Variants in ATF7IP2 observed in about 807,000 individuals in gnomAD.
The protein encoded by ATF7IP2 is activating transcription factor 7-interacting protein 2.
Under a neutral mutation model 64.2 loss-of-function variants are expected in ATF7IP2, and 42 were observed. That is an observed-to-expected ratio of 0.65 (90% CI 0.51 to 0.85). The LOEUF is 0.85. Among genes scored for constraint, ATF7IP2 ranks in the 40% least tolerant of loss-of-function variants. The pLI is 0.00. For synonymous variants in ATF7IP2, 308 were observed against 272.8 expected (o/e 1.13, Z -1.27); for missense variants, 933 against 784.2 (o/e 1.19, Z -2.27).
At chr16:10,401,765 T>A (rs1267501508) in intron 1 of ATF7IP2, among the ~76,000 whole-genome samples, 1 of 151,664 alleles carries the variant, frequency 6.6e-6, no homozygotes, top group African/African-American at 2.4e-5. Flanking sequence ...GTCTTTTTTT[T>A]TTTTTTAATT....
rs2049207489 is a variant in ATF7IP2 at position 10,457,369 on chromosome 16, T to A, written c.1195-3T>A. 6.3e-7 allele frequency: 1 copy of A among 1,598,942 alleles called. No homozygotes were observed. The highest frequency in any genetic ancestry group is 8.5e-7 in the Non-Finnish European group (1 of 1,175,814). Reference sequence around the variant, plus strand: ...AACTGCTTTTTTCTCACCTATTTAATAGGTTGCAAATTCAGAGGCTATGAT... The same window carrying A: ...AACTGCTTTTTTCTCACCTATTTAAAAGGTTGCAAATTCAGAGGCTATGAT... On this transcript the variant is annotated splice_polypyrimidine_tract_variant and splice_region_variant and intron_variant, in intron 8 of 13. Coordinates refer to ENST00000562102, the MANE Select transcript of ATF7IP2 (RefSeq NM_001393719.1).
chr16:10,410,572 A>G (rs1161456189), intron 1 of ATF7IP2, among the ~76,000 whole-genome samples: 1 of 152,158 alleles, frequency 6.6e-6, no homozygotes, highest in African/African-American at 2.4e-5. Context: ...CATCATCAGC[A>G]CACAGTGACA....
chr16:10,472,237 A>T (rs563151134), intron 10 of ATF7IP2, 54 bp downstream of exon 10: 1 of 889,058 alleles, frequency 1.1e-6, no homozygotes, highest in South Asian at 2.1e-5. Flanking sequence ...CCTTAAATCA[A>T]TGTTTGCTTT....
At chr16:10,411,667 C>T (rs754057961) in intron 1 of ATF7IP2, among the ~76,000 whole-genome samples, 1 of 152,012 alleles carries the variant, frequency 6.6e-6, no homozygotes, top group Non-Finnish European at 1.5e-5. Context: ...CTGCGCCTGG[C>T]CTATGTTGGC....
chr16:10,395,298 TAAAC>T (rs904914816), intron 1 of ATF7IP2, among the ~76,000 whole-genome samples: 7 of 151,958 alleles, frequency 4.6e-5, no homozygotes, highest in East Asian at 1.9e-4. Context: ...TGAACAAACA[TAAAC>T]AAAGCAGTGG....
intron 9 of ATF7IP2, among the ~76,000 whole-genome samples, chr16:10,470,928 A>C (rs960766024): frequency 6.6e-6 from 1 of 151,806 alleles, no homozygotes; most frequent in Non-Finnish European, 1.5e-5. Flanking sequence ...TTGGGAAAGA[A>C]AGTTAGAAGA....
intron 1 of ATF7IP2, among the ~76,000 whole-genome samples, chr16:10,405,063 A>G (rs1275939381): frequency 6.6e-6 from 1 of 152,128 alleles, no homozygotes; most frequent in Non-Finnish European, 1.5e-5. Flanking sequence ...TAAACATCTT[A>G]ATGAAAGGTC....
chr16:10,432,408 A>G (rs1424076424), intron 5 of ATF7IP2, among the ~76,000 whole-genome samples: 1 of 152,188 alleles, frequency 6.6e-6, no homozygotes, highest in Non-Finnish European at 1.5e-5. Context: ...GATGAATTTA[A>G]AATTCCTTAA....
intron 9 of ATF7IP2, 47 bp from the exon 10 acceptor site, chr16:10,472,063 A>G: frequency 9.7e-7 from 1 of 1,034,542 alleles, no homozygotes; most frequent in Non-Finnish European, 1.5e-6. Flanking sequence ...TTTAAGCCTG[A>G]TAATGCATGT....
chr16:10,429,750 TTTATTTTA>T (rs1235629087), intron 4 of ATF7IP2, among the ~76,000 whole-genome samples: 1 of 144,544 alleles, frequency 6.9e-6, no homozygotes, highest in Non-Finnish European at 1.5e-5. Context: ...TTTTATTTAT[TTTATTTTA>T]TTATTTTATT....
At chr16:10,409,222 C>A (rs867328397) in intron 1 of ATF7IP2, among the ~76,000 whole-genome samples, 1 of 151,838 alleles carries the variant, frequency 6.6e-6, no homozygotes, top group African/African-American at 2.4e-5. Context: ...AGTGGTGGGA[C>A]GTGTGGTTTC....
chr16:10,479,363 A>G (rs2050130200), intron 12 of ATF7IP2, among the ~76,000 whole-genome samples: 1 of 152,168 alleles, frequency 6.6e-6, no homozygotes, highest in South Asian at 2.1e-4. Context: ...GACATGGATG[A>G]AATTGGAAAT....
At chr16:10,481,459 AT>A (rs2050226107) in intron 13 of ATF7IP2, among the ~76,000 whole-genome samples, 1 of 152,094 alleles carries the variant, frequency 6.6e-6, no homozygotes, top group Non-Finnish European at 1.5e-5. Flanking sequence ...TAATTTTTGT[AT>A]TTTTAGTAGA....
intron 9 of ATF7IP2, 177 bp from the exon 10 acceptor site, chr16:10,471,933 C>A: frequency 4.8e-6 from 2 of 419,300 alleles, no homozygotes; most frequent in Admixed American, 8.2e-5. Flanking sequence ...TATAACGGAA[C>A]TGGTAATAAA....
At chr16:10,423,078 A>G (rs2048018480) in intron 3 of ATF7IP2, among the ~76,000 whole-genome samples, 1 of 152,186 alleles carries the variant, frequency 6.6e-6, no homozygotes, top group Non-Finnish European at 1.5e-5. Context: ...CTTCGTCTCT[A>G]CTAAAAATAC....
intron 2 of ATF7IP2, among the ~76,000 whole-genome samples, chr16:10,417,357 C>T (rs573700678): frequency 6.6e-6 from 1 of 152,078 alleles, no homozygotes; most frequent in South Asian, 2.1e-4. Flanking sequence ...TGGTAAGACA[C>T]ATTTAGACTC....
chr16:10,429,619 G>A (rs1048681720), intron 4 of ATF7IP2, among the ~76,000 whole-genome samples: 1 of 152,106 alleles, frequency 6.6e-6, no homozygotes, highest in African/African-American at 2.4e-5. Flanking sequence ...AAAGTGCTAG[G>A]ATTACAGGCG....
Position 10,480,944 on chromosome 16 carries a change from T to A in ATF7IP2, c.1615T>A (p.Leu539Met). 1 of 1,610,708 alleles carries A rather than the reference T, an allele frequency of 6.2e-7. No individual in the cohort carries two copies. Among genetic ancestry groups the A allele is most frequent in the East Asian group, 2.2e-5 (1 of 44,852 alleles). ...TTCAAACTCAAAGGAAACAACCCCA[T>A]TGGCACAAAATGCAGTCCAGGTACT... ...AASNSKETTP[L>M]AQNAVQVPES... Residue 539 changes from leucine to methionine, a missense_variant, in exon 13 of 14, where the codon TTG becomes ATG. Leu to Met is a conservative substitution (Grantham distance 15). Coordinates refer to ENST00000562102, the MANE Select transcript of ATF7IP2 (RefSeq NM_001393719.1).
chr16:10,409,714 C>T (rs1273816553), intron 1 of ATF7IP2, among the ~76,000 whole-genome samples: 1 of 152,162 alleles, frequency 6.6e-6, no homozygotes, highest in East Asian at 1.9e-4. Context: ...CGTGAGCCAC[C>T]ATGCCCAGCC....
Sources: allele counts gnomAD v4.1 joint callset (sites outside exome capture counted in the v4.1 genomes callset), GRCh38; gene constraint gnomAD v4.1.1; transcripts MANE v1.5; gene names NCBI Gene and HGNC (gene_info 2026-07-23, HGNC 2026-07-21).